The following GRHL3 variants were observed in gnomAD, a reference collection of about 807,000 sequenced individuals.
The protein encoded by GRHL3 is grainyhead like transcription factor 3, also known as grainyhead-like protein 3 homolog.
Under a neutral mutation model 70.3 loss-of-function variants are expected in GRHL3, and 20 were observed. That is an observed-to-expected ratio of 0.28 (90% CI 0.20 to 0.41). The LOEUF (loss-of-function observed/expected upper bound fraction) is 0.41. Among genes scored for constraint, GRHL3 ranks in the 10% least tolerant of loss-of-function variants. The pLI is 1.00. For synonymous variants in GRHL3, 299 were observed against 299.9 expected, an observed-to-expected ratio of 1.00 and a Z score of 0.03; for missense variants, 637 against 762.3, an observed-to-expected ratio of 0.84 and a Z score of 1.94.
rs762672998 is a variant in GRHL3, at chr1:24,331,419, C to T, written c.18-7C>T. On this transcript the variant is annotated splice_region_variant and splice_polypyrimidine_tract_variant and intron_variant, in intron 1 of 15. Coordinates refer to ENST00000361548, the MANE Select transcript of GRHL3 (RefSeq NM_198173.3). ...GCCTAAATTTGACTCTCCTTACTTG[C>T]ATTCAGTTTCAGGTCTGTGCGGCTG... The T allele has an allele frequency of 6.2e-7, 1 of 1,603,422 alleles. No individual in the cohort carries two copies. Among genetic ancestry groups the T allele is most frequent in the Non-Finnish European group, 8.5e-7 (1 of 1,173,190 alleles).
intron 11 of GRHL3, among the ~76,000 whole-genome samples, chr1:24,343,682 G>T (rs1391164501): frequency 6.6e-6 from 1 of 152,034 alleles, no homozygotes; most frequent in Non-Finnish European, 1.5e-5. Context: ...TCCAGGCACG[G>T]TCCCACAACA....
intron 14 of GRHL3, among the ~76,000 whole-genome samples, chr1:24,347,940 G>T (rs1360325378): frequency 6.6e-6 from 1 of 152,170 alleles, no homozygotes; most frequent in Non-Finnish European, 1.5e-5. Flanking sequence ...GCCTGCTTGT[G>T]GTTGGCTGGG....
At chr1:24,337,048 T>TAGAA (rs1639846149) in intron 4 of GRHL3, 30 bp from the exon 5 acceptor site, 1 of 1,605,638 alleles carries the variant, frequency 6.2e-7, no homozygotes, top group South Asian at 1.1e-5. Flanking sequence ...ATGTGAGCAT[T>TAGAA]TATTCTCTTG....
intron 15 of GRHL3, among the ~76,000 whole-genome samples, chr1:24,362,726 G>A (rs1457445880): frequency 2.6e-5 from 4 of 152,192 alleles, no homozygotes; most frequent in African/African-American, 9.7e-5. Flanking sequence ...GTCATGCTGA[G>A]GCAGGGGACA....
Position 24,346,543 on chromosome 1 carries a change from A to T in GRHL3, c.1455-10A>T, listed in dbSNP as rs1354302727. The stretch of plus-strand genomic sequence containing the variant: ...GTTTCTCACAAGCTCCCCCACTGCC[A>T]TCCCCACAGGCTGCCTCTGAAGCGT... On this transcript the variant is annotated splice_polypyrimidine_tract_variant and intron_variant, in intron 12 of 15. Coordinates refer to ENST00000361548, the MANE Select transcript of GRHL3 (RefSeq NM_198173.3). The T allele has an allele frequency of 1.2e-6, 2 of 1,605,522 alleles. No homozygotes were observed. The highest frequency in any genetic ancestry group is 1.7e-6 in the Non-Finnish European group (2 of 1,173,198).
At chr1:24,341,907 G>A (rs926381323) in intron 8 of GRHL3, among the ~76,000 whole-genome samples, 5 of 152,226 alleles carry the variant, frequency 3.3e-5, no homozygotes, top group African/African-American at 7.2e-5. Flanking sequence ...CACACTGCCC[G>A]TGTCACCTCG....
rs773233034 is a variant in GRHL3 at position 24,342,100 on chromosome 1, C to A, written c.1048-15C>A. 23 of 1,544,466 alleles carry A rather than the reference C, an allele frequency of 1.5e-5. No individual in the cohort carries two copies. The highest frequency in any genetic ancestry group is 1.9e-5 in the Non-Finnish European group (22 of 1,140,770). ...CTGGGCAGGCCACTTACCCAGCGGC[C>A]CCCTCTGTCTCCAGGTGTTCATCGG... On this transcript the variant is annotated splice_polypyrimidine_tract_variant and intron_variant, in intron 8 of 15. Coordinates refer to ENST00000361548, the MANE Select transcript of GRHL3 (RefSeq NM_198173.3). The surrounding 1 kb of genome is among the most constrained non-coding windows in gnomAD (Gnocchi z 4.8).
At chr1:24,326,370 T>TTCTCCTCCACCCCTCC (rs1639388686) in intron 1 of GRHL3, among the ~76,000 whole-genome samples, 3 of 147,290 alleles carry the variant, frequency 2.0e-5, no homozygotes, top group African/African-American at 7.5e-5. Flanking sequence ...TCCACCCCTC[T>TTCTCCTCCACCCCTCC]TCTCCTCCAC....
At position 24,338,068 on chromosome 1, in the gene GRHL3, G is replaced by T. The variant is rs778662501; in HGVS notation, c.917G>T (p.Arg306Leu). The T allele has an allele frequency of 6.2e-6, 10 of 1,612,714 alleles. No individual in the cohort carries two copies. The highest frequency in any genetic ancestry group is 7.6e-6 in the Non-Finnish European group (9 of 1,179,490). The change falls in exon 7 of 16, where the codon CGG becomes CTG. Residue 306 changes from arginine (R) to leucine (L), a missense_variant. Arg to Leu is a moderately radical substitution (Grantham distance 102). Around this residue, in one of 2 missense-constraint regions of GRHL3, gnomAD observed 387 missense variants for 513.8 expected, o/e 0.75. Transcript: ENST00000361548. ...QLRFWKHWHSRQPTAKQRVID... is the reference protein window; with the variant it reads ...QLRFWKHWHSLQPTAKQRVID... ...CGCTTCTGGAAGCACTGGCATTCCC[G>T]GCAACCCACTGCCAAGCAGCGGGTC...
chr1:24,362,569 C>T (rs2148677760), intron 15 of GRHL3, among the ~76,000 whole-genome samples: 1 of 152,224 alleles, frequency 6.6e-6, no homozygotes, highest in East Asian at 1.9e-4. Context: ...TGTAAAGCAC[C>T]TAGTAGAGCA....
chr1:24,351,518 C>G (rs1014114509), intron 15 of GRHL3, among the ~76,000 whole-genome samples: 1 of 152,044 alleles, frequency 6.6e-6, no homozygotes, highest in Non-Finnish European at 1.5e-5. Context: ...AAATCCACTT[C>G]ACGGCAAAGG....
intron 12 of GRHL3, 63 bp downstream of exon 12, chr1:24,344,994 C>T (rs1640195366): frequency 1.3e-6 from 2 of 1,526,828 alleles, no homozygotes; most frequent in Non-Finnish European, 1.8e-6. Context: ...CCTGTGCCCC[C>T]TCCACACCTG....
At chr1:24,358,500 G>A (rs750873234), downstream of GRHL3, 6 of 1,508,096 alleles carry the variant, frequency 4.0e-6, no homozygotes, top group Non-Finnish European at 5.5e-6. Flanking sequence ...GCTGGGCAGG[G>A]TGGGCTGGTG....
intron 13 of GRHL3, 115 bp from the exon 14 acceptor site, chr1:24,347,353 G>T: frequency 1.1e-6 from 1 of 906,216 alleles, no homozygotes; most frequent in Non-Finnish European, 1.8e-6. Flanking sequence ...CTCCCAGCTG[G>T]GCAAAGACCC....
At chr1:24,331,372 T>A in intron 1 of GRHL3, 54 bp from the exon 2 acceptor site, 1 of 1,521,296 alleles carries the variant, frequency 6.6e-7, no homozygotes, top group Non-Finnish European at 8.9e-7. Flanking sequence ...GGCTGCCCAT[T>A]CACGGACCTT....
intron 11 of GRHL3, 105 bp from the exon 12 acceptor site, chr1:24,344,792 C>G: frequency 8.0e-7 from 1 of 1,255,942 alleles, no homozygotes; most frequent in Non-Finnish European, 1.2e-6. Context: ...ACAGTATTCT[C>G]CCCACCTCCC....
At chr1:24,358,435 A>G (rs780157093), downstream of GRHL3, 4 of 939,566 alleles carry the variant, frequency 4.3e-6, no homozygotes, top group Admixed American at 3.4e-5. Context: ...CCACCCCCCA[A>G]GTTGTCAGCT....
chr1:24,351,235 C>T (rs554323595), intron 15 of GRHL3, among the ~76,000 whole-genome samples: 4 of 152,260 alleles, frequency 2.6e-5, no homozygotes, highest in Non-Finnish European at 4.4e-5. Flanking sequence ...CTTTGCAAAG[C>T]GAGGCAAGTT....
chr1:24,342,602 G>A lies in GRHL3; in HGVS notation c.1207-92G>A, dbSNP rs950492475. 33 of 1,177,088 alleles carry A rather than the reference G, an allele frequency of 2.8e-5. No individual in the cohort carries two copies. The South Asian group carries it at 4.1e-4, about 15-fold the overall frequency. The allele number at this position is 1,177,088 out of a possible 1,614,324, so 72.9% of individuals were successfully genotyped here. A position where few individuals can be genotyped will look rare whatever the true frequency, so the allele number is the denominator to read the frequency against. On this transcript the variant is annotated intron_variant, in intron 9 of 15. Coordinates refer to ENST00000361548, the MANE Select transcript of GRHL3 (RefSeq NM_198173.3). This position sits in a 1 kb window ranked among gnomAD's most constrained non-coding sequence, Gnocchi z 4.8. Reference sequence around the variant, plus strand: ...GTTCTGGAAAAAAGAAGGACCAGAAGCTTGGCCCATATTTAAGATGCAAAG... The same window carrying A: ...GTTCTGGAAAAAAGAAGGACCAGAAACTTGGCCCATATTTAAGATGCAAAG...
Sources: gnomAD v4.1 joint callset for allele counts (sites outside exome capture counted in the v4.1 genomes callset) on GRCh38, gnomAD v4.1.1 for gene constraint, gnomAD v4.1.1 regional missense constraint, Gnocchi (gnomAD v3.1) non-coding constraint, MANE v1.5 for transcripts, NCBI Gene and HGNC (gene_info 2026-07-23, HGNC 2026-07-21) for gene names.